The following BMPR1B variants were observed in gnomAD, a reference collection of about 807,000 sequenced individuals.
BMPR1B encodes bone morphogenetic protein receptor type-1B.
Under a neutral mutation model 59.1 loss-of-function variants are expected in BMPR1B, and 12 were observed. That is an observed-to-expected ratio of 0.20 (90% CI 0.13 to 0.33). BMPR1B has a LOEUF of 0.33. BMPR1B is among the 10% of genes least tolerant of loss of function. The probability of loss-of-function intolerance (pLI) is 1.00; values close to 1 mark genes in which losing one functional copy is unlikely to be tolerated. For synonymous variants in BMPR1B, 237 were observed against 207.3 expected, an observed-to-expected ratio of 1.14 and a Z score of -1.23; for missense variants, 550 against 610.9, an observed-to-expected ratio of 0.90 and a Z score of 1.05.
At chr4:95,054,069 A>G (rs759969045) in intron 3 of BMPR1B, among the ~76,000 whole-genome samples, 1 of 152,204 alleles carries the variant, frequency 6.6e-6, no homozygotes, top group South Asian at 2.1e-4. Context: ...GAGATCTTAC[A>G]TCCATATTTA....
At chr4:94,819,175 T>G (rs1201253336) in intron 1 of BMPR1B, among the ~76,000 whole-genome samples, 1 of 152,018 alleles carries the variant, frequency 6.6e-6, no homozygotes, top group Non-Finnish European at 1.5e-5. Flanking sequence ...GGCTTAACTT[T>G]GGGTCAGAGC....
chr4:94,774,001 A>G (rs1372658905), intron 1 of BMPR1B, among the ~76,000 whole-genome samples: 1 of 152,062 alleles, frequency 6.6e-6, no homozygotes, highest in African/African-American at 2.4e-5. Flanking sequence ...GAAACCTGAT[A>G]CGTGCTTATT....
At chr4:95,060,493 G>A (rs548661243) in intron 3 of BMPR1B, among the ~76,000 whole-genome samples, 1 of 152,302 alleles carries the variant, frequency 6.6e-6, no homozygotes. Context: ...AAGGGATAAG[G>A]AATCTTAATT....
intron 3 of BMPR1B, among the ~76,000 whole-genome samples, chr4:95,047,772 G>A (rs551008794): frequency 6.6e-6 from 1 of 152,206 alleles, no homozygotes; most frequent in East Asian, 1.9e-4. Flanking sequence ...TGGTTATCCA[G>A]TTACTAAATC....
chr4:94,842,040 A>C (rs1325756174), intron 1 of BMPR1B, among the ~76,000 whole-genome samples: 1 of 152,204 alleles, frequency 6.6e-6, no homozygotes, highest in Non-Finnish European at 1.5e-5. Context: ...TGATACACTC[A>C]GGAGTTCCGT....
At chr4:94,858,320 C>T (rs1725849946) in intron 1 of BMPR1B, among the ~76,000 whole-genome samples, 1 of 152,076 alleles carries the variant, frequency 6.6e-6, no homozygotes, top group African/African-American at 2.4e-5. Flanking sequence ...CCTGAATTTT[C>T]CTCAACAAGA....
chr4:94,907,691 T>C lies in BMPR1B; in HGVS notation c.-113+31791T>C, dbSNP rs72887888. Among the ~76,000 whole-genome samples the C allele has an allele frequency of 2.8e-4, 42 of 152,148 alleles. 1 individual carries two copies. Among genetic ancestry groups the C allele is most frequent in the African/African-American group, 9.9e-4 (41 of 41,542 alleles). On this transcript the variant is annotated intron_variant, in intron 2 of 12. Transcript: ENST00000515059. ...TTGTTATCATGTGTGTATCGTTGCA[T>C]GTAAAAATATTCCTATTTGTTACGG... is the stretch of plus-strand genomic sequence containing the variant.
intron 3 of BMPR1B, among the ~76,000 whole-genome samples, chr4:94,999,186 A>G (rs909636073): frequency 7.8e-4 from 118 of 152,126 alleles, no homozygotes; most frequent in Admixed American, 5.4e-3. Context: ...AGATTTTTAA[A>G]TTTAATTCTT....
intron 3 of BMPR1B, among the ~76,000 whole-genome samples, chr4:95,011,958 G>A (rs1369054659): frequency 6.6e-6 from 1 of 151,984 alleles, no homozygotes. Flanking sequence ...GGCTGAGGTT[G>A]CAGTGAGCCA....
chr4:95,096,951 G>A (rs1345774941), intron 3 of BMPR1B, among the ~76,000 whole-genome samples: 2 of 140,156 alleles, frequency 1.4e-5, no homozygotes, highest in Non-Finnish European at 3.1e-5. Flanking sequence ...TGTAACTAAA[G>A]TTATATAACT....
chr4:94,939,651 T>G (rs60826912), intron 2 of BMPR1B, among the ~76,000 whole-genome samples: 17,799 of 152,244 alleles, frequency 0.12, 1,224 homozygotes, highest in Middle Eastern at 0.19. Context: ...AAATCCTGTA[T>G]AGAGACAGGC....
rs1438345481 is a variant in BMPR1B, at chr4:95,131,458, A to T, written c.1022A>T (p.Lys341Met). The T allele has an allele frequency of 5.0e-6, 8 of 1,614,106 alleles. No homozygotes were observed. Among genetic ancestry groups the T allele is most frequent in the Non-Finnish European group, 5.1e-6 (6 of 1,179,990 alleles). The change falls in exon 10 of 13, where the codon AAG becomes ATG. Residue 341 changes from lysine (K) to methionine (M), a missense_variant. Physicochemically the swap from Lys to Met is moderately conservative, Grantham distance 95 (BLOSUM62 -1). This residue lies in a region of BMPR1B where 318 missense variants were observed against 284.6 expected (regional missense o/e 1.12). Transcript: ENST00000515059. Reference sequence around the variant, plus strand: ...CTGAAAAGTAAAAACATTCTGGTGAAGAAAAATGGAACTTGCTGTATTGCT... The same window carrying T: ...CTGAAAAGTAAAAACATTCTGGTGATGAAAAATGGAACTTGCTGTATTGCT... The part of the protein sequence containing the change: ...RDLKSKNILV[K>M]KNGTCCIADL...
At chr4:94,789,722 C>A (rs1026468851) in intron 1 of BMPR1B, among the ~76,000 whole-genome samples, 27 of 152,222 alleles carry the variant, frequency 1.8e-4, no homozygotes, top group African/African-American at 5.8e-4. Context: ...GCAGCAAATT[C>A]CAACAATGCA....
chr4:94,894,755 CTTG>C (rs1032607756), intron 2 of BMPR1B, among the ~76,000 whole-genome samples: 6 of 151,076 alleles, frequency 4.0e-5, no homozygotes, highest in African/African-American at 1.5e-4. Flanking sequence ...GGAAAGTAAA[CTTG>C]TTGTATTTCT....
chr4:95,017,031 A>G (rs1182443471), intron 3 of BMPR1B, among the ~76,000 whole-genome samples: 3 of 152,184 alleles, frequency 2.0e-5, no homozygotes, highest in African/African-American at 4.8e-5. Context: ...TCCATAGGGA[A>G]AACATTCACT....
intron 1 of BMPR1B, among the ~76,000 whole-genome samples, chr4:94,844,165 T>C (rs1300929752): frequency 6.6e-6 from 1 of 152,072 alleles, no homozygotes; most frequent in Non-Finnish European, 1.5e-5. Flanking sequence ...TTAATTGTTT[T>C]CATCACAAAA....
chr4:95,152,204 G>T (rs1300259978), intron 11 of BMPR1B, among the ~76,000 whole-genome samples: 2 of 152,106 alleles, frequency 1.3e-5, no homozygotes, highest in Admixed American at 1.3e-4. Flanking sequence ...CTGACATTTT[G>T]TTCAAGTAGG....
At chr4:95,053,606 A>T (rs1201399716) in intron 3 of BMPR1B, among the ~76,000 whole-genome samples, 1 of 152,098 alleles carries the variant, frequency 6.6e-6, no homozygotes, top group Non-Finnish European at 1.5e-5. Flanking sequence ...TAGTATCATT[A>T]TTAATAATTA....
chr4:94,908,312 A>G (rs1018568486), intron 2 of BMPR1B, among the ~76,000 whole-genome samples: 1 of 151,198 alleles, frequency 6.6e-6, no homozygotes, highest in East Asian at 2.0e-4. Flanking sequence ...GATATTTTAT[A>G]CATCACATTT....
Sources: allele counts gnomAD v4.1 joint callset (sites outside exome capture counted in the v4.1 genomes callset), GRCh38; gene constraint gnomAD v4.1.1; regional missense constraint gnomAD v4.1.1; transcripts MANE v1.5; gene names NCBI Gene and HGNC (gene_info 2026-07-23, HGNC 2026-07-21).